TTN: variants seen among roughly 807,000 people sequenced by gnomAD.
TTN encodes the protein titin.
TTN carries 1,525 observed loss-of-function variants against 3,223.0 expected under a neutral mutation model. The observed-to-expected ratio is 0.47, with a 90% confidence interval of 0.45 to 0.49. TTN has a LOEUF of 0.49. TTN is among the 20% of genes least tolerant of loss of function. The pLI is 0.00. For synonymous variants in TTN, 14,094 were observed against 15,161.0 expected, an observed-to-expected ratio of 0.93 and a Z score of 5.17; for missense variants, 40,786 against 43,424.0, an observed-to-expected ratio of 0.94 and a Z score of 5.40.
intron 344 of TTN, among the ~76,000 whole-genome samples, 168 bp downstream of exon 344, chr2:178,545,220 T>C (rs1382030355): frequency 6.6e-6 from 1 of 152,224 alleles, no homozygotes; most frequent in African/African-American, 2.4e-5. Context: ...ACAGATGTAA[T>C]AGTTAAAATG....
intron 135 of TTN, 58 bp downstream of exon 135, chr2:178,682,639 A>C: frequency 1.4e-6 from 2 of 1,426,042 alleles, no homozygotes; most frequent in South Asian, 2.9e-5. Context: ...ATCTTGTTTT[A>C]TCTTGTTTGA....
intron 140 of TTN, 89 bp downstream of exon 140, chr2:178,679,805 G>A (rs2068926395): frequency 6.4e-7 from 1 of 1,555,700 alleles, no homozygotes; most frequent in Non-Finnish European, 8.7e-7. Flanking sequence ...AATCATTGGT[G>A]CTGCCAATAA....
Position 178,728,516 on chromosome 2 carries a change from G to T in TTN, c.19410C>A (p.Ala6470=), listed in dbSNP as rs2079776761. ...ENDFGSSSCD[A]YLRVLDQNIP... ...GATACAAACCTAGCACTCTTAAGTA[G>T]GCATCACAGCTACTGCTTCCGAAGT... The change falls in exon 66 of 363, where the codon GCC becomes GCA. Residue 6470 remains alanine (A), a synonymous_variant. Transcript: ENST00000589042. The T allele has an allele frequency of 6.2e-7, 1 of 1,610,418 alleles. No homozygotes were observed.
intron 47 of TTN, chr2:178,746,074 A>G (rs564472754): frequency 2.9e-5 from 47 of 1,613,474 alleles, no homozygotes; most frequent in Non-Finnish European, 2.4e-5. Flanking sequence ...AAAGACAGAC[A>G]TTTCGAATTT....
At position 178,565,542 on chromosome 2, in the gene TTN, G is replaced by C. The variant is rs1296708710; in HGVS notation, c.80590C>G (p.Pro26864Ala). 1 of 1,613,508 alleles carries C rather than the reference G, an allele frequency of 6.2e-7. No individual in the cohort carries two copies. The highest frequency in any genetic ancestry group is 1.7e-5 in the Admixed American group (1 of 59,978). The change falls in exon 326 of 363, where the codon CCA becomes GCA. Residue 26864 changes from proline to alanine, a missense_variant. Pro to Ala is a conservative substitution (Grantham distance 27, BLOSUM62 -1). Coordinates refer to ENST00000589042, the MANE Select transcript of TTN (RefSeq NM_001267550.2). ...KAYNEKGKSD[P>A]RVLGVPVIAK... ...ATGACAGGAACACCCAACACTCTTG[G>C]ATCGCTTTTTCCTTTCTCATTATAA...
At chr2:178,734,034 A>G in intron 52 of TTN, 142 bp from the exon 53 acceptor site, 10 of 939,942 alleles carry the variant, frequency 1.1e-5, no homozygotes, top group Non-Finnish European at 1.5e-5. Context: ...AAGAAATAAA[A>G]GTTAAGAATA....
Position 178,777,534 on chromosome 2 carries a change from C to T in TTN, c.4531G>A (p.Gly1511Ser), listed in dbSNP as rs1045727624. 6.2e-7 allele frequency: 1 copy of T among 1,613,896 alleles called. No homozygotes were observed. The highest frequency in any genetic ancestry group is 8.5e-7 in the Non-Finnish European group (1 of 1,179,946). ...YTHKVVIKED[G>S]TQSLIIVPAT... ...GGGACAATAATTAGTGATTGAGTACCATCTTCTTTAATGACTACTTTATGG... is the reference window on the plus strand; with the variant it reads ...GGGACAATAATTAGTGATTGAGTACTATCTTCTTTAATGACTACTTTATGG... Residue 1511 changes from glycine (G) to serine (S), a missense_variant, in exon 26 of 363, where the codon GGT becomes AGT. Gly to Ser is a moderately conservative substitution (Grantham distance 56). Coordinates refer to ENST00000589042, the MANE Select transcript of TTN (RefSeq NM_001267550.2).
Position 178,590,153 on chromosome 2 carries a change from G to A in TTN, c.61572C>T (p.Asp20524=), listed in dbSNP as rs776014619. The stretch of plus-strand genomic sequence containing the variant: ...CAACACGAGGTAGATCCTGAATAAG[G>A]TCCACCCTCTTTTCTCGGACCAATA... ...GKVLVREKRV[D]LIQDLPRVEL... is the part of the protein sequence containing the mutation. Residue 20524 remains aspartate (D), a synonymous_variant, in exon 304 of 363, where the codon GAC becomes GAT. Transcript: ENST00000589042. 1.2e-6 allele frequency: 2 copies of A among 1,612,946 alleles called. No homozygotes were observed. The highest frequency in any genetic ancestry group is 1.7e-6 in the Non-Finnish European group (2 of 1,179,464).
At position 178,591,869 on chromosome 2, in the gene TTN, G is replaced by A. The variant is rs778879674; in HGVS notation, c.59950C>T (p.Leu19984=). The change falls in exon 303 of 363, where the codon CTG becomes TTG. Residue 19984 remains leucine (L), a synonymous_variant. Coordinates refer to ENST00000589042, the MANE Select transcript of TTN (RefSeq NM_001267550.2). ...PLHPPGPPKD[L]HHVDVDKTEV... ...GTCTTGTCAACATCTACATGGTGCA[G>A]GTCCTTGGGTGGCCCTGGGGGATCT... 1 of 1,611,660 alleles carries A rather than the reference G, an allele frequency of 6.2e-7. No homozygotes were observed. Among genetic ancestry groups the A allele is most frequent in the South Asian group, 1.1e-5 (1 of 90,496 alleles).
intron 47 of TTN, chr2:178,748,626 C>A (rs754572853): frequency 3.7e-6 from 6 of 1,612,978 alleles, no homozygotes; most frequent in Non-Finnish European, 5.1e-6. Context: ...CTATCTAATT[C>A]TTGGAATTTC....
Position 178,785,907 on chromosome 2 carries a change from C to T in TTN, c.2311G>A (p.Ala771Thr). Residue 771 changes from alanine (A) to threonine (T), a missense_variant, in exon 14 of 363, where the codon GCT (alanine) becomes ACT (threonine). Coordinates refer to ENST00000589042, the MANE Select transcript of TTN (RefSeq NM_001267550.2). Reference protein sequence around the residue: ...PKAVKPRVIQAPSETHIKTTD... With the variant: ...PKAVKPRVIQTPSETHIKTTD... ...GTTTTGATATGAGTCTCAGAAGGAG[C>T]CTGGATTACTCTAGGCTTGACTGCT... 1 of 1,614,064 alleles carries T rather than the reference C, an allele frequency of 6.2e-7. No individual in the cohort carries two copies. Among genetic ancestry groups the T allele is most frequent in the Non-Finnish European group, 8.5e-7 (1 of 1,179,994 alleles).
At position 178,561,118 on chromosome 2, in the gene TTN, C is replaced by A; in HGVS notation, c.85014G>T (p.Glu28338Asp). 1 of 1,613,870 alleles carries A rather than the reference C, an allele frequency of 6.2e-7. No individual in the cohort carries two copies. Among genetic ancestry groups the A allele is most frequent in the Non-Finnish European group, 8.5e-7 (1 of 1,179,828 alleles). The change falls in exon 326 of 363, where the codon GAG (glutamate) becomes GAT (aspartate). Residue 28338 changes from glutamate to aspartate, a missense_variant. Glu to Asp is a conservative substitution (Grantham distance 45). Coordinates refer to ENST00000589042, the MANE Select transcript of TTN (RefSeq NM_001267550.2). ...TAATAGGCCCAGTGGATTCAGATGG[C>A]TCACTAACTGAGTCAGCAGCATTCC... ...FARNAADSVS[E>D]PSESTGPIIV...
At position 178,704,857 on chromosome 2, in the gene TTN, A is replaced by G. The variant is rs779986851; in HGVS notation, c.29694+20T>C. The stretch of plus-strand genomic sequence containing the variant: ...TCAATAATAACTTGTTCATTTTATT[A>G]TCAACATAATTCTTTTTACCTCTGT... On this transcript the variant is annotated intron_variant, in intron 104 of 362. Transcript: ENST00000589042. 5.0e-6 allele frequency: 8 copies of G among 1,610,842 alleles called. No individual in the cohort carries two copies. The African/African-American group carries it at 1.1e-4, about 22-fold the overall frequency.
At position 178,548,350 on chromosome 2, in the gene TTN, T is replaced by G; in HGVS notation, c.93276A>C (p.Ala31092=). The change falls in exon 339 of 363, where the codon GCA becomes GCC. Residue 31092 remains alanine (A), a synonymous_variant. Transcript: ENST00000589042. The surrounding 1 kb of genome is among the most constrained non-coding windows in gnomAD (Gnocchi z 4.3). Reference sequence around the variant, plus strand: ...GCTCACCAACACCATACTCATTTACTGCAGAAACACGGAAATAGTACGGAA... The same window carrying G: ...GCTCACCAACACCATACTCATTTACGGCAGAAACACGGAAATAGTACGGAA... ...EGVPYYFRVS[A]VNEYGVGEPY... is the part of the protein sequence containing the mutation. 2 of 1,613,896 alleles carry G rather than the reference T, an allele frequency of 1.2e-6. No individual in the cohort carries two copies. The highest frequency in any genetic ancestry group is 1.7e-6 in the Non-Finnish European group (2 of 1,179,830).
In TTN at chr2:178,549,786, T is replaced by G. The variant is rs786205328; in HGVS notation, c.91936A>C (p.Asn30646His). The stretch of plus-strand genomic sequence containing the variant: ...TGGGTTATGGGAGCACAACCGTCAT[T>G]GAGTGGGGCATCCCACCACAGAGTC... Reference protein sequence around the residue: ...KMTLWWDAPLNDGCAPITHYI... With the variant: ...KMTLWWDAPLHDGCAPITHYI... Residue 30646 changes from asparagine to histidine, a missense_variant, in exon 338 of 363, where the codon AAT (asparagine) becomes CAT (histidine). Physicochemically the swap from Asn to His is moderately conservative, Grantham distance 68. Coordinates refer to ENST00000589042, the MANE Select transcript of TTN (RefSeq NM_001267550.2). The G allele has an allele frequency of 1.2e-6, 2 of 1,611,926 alleles. No homozygotes were observed. Among genetic ancestry groups the G allele is most frequent in the Non-Finnish European group, 1.7e-6 (2 of 1,178,200 alleles).
Position 178,605,539 on chromosome 2 carries a change from G to T in TTN, c.53756C>A (p.Thr17919Asn), listed in dbSNP as rs1192046645. ...AAGATTTTCAACCAGAAAAGATGTG[G>T]TTGGGCAGAGTCGCTTGTTAACTCT... ...FERVNKRLCP[T>N]TSFLVENLDE... The change falls in exon 279 of 363, where the codon ACC becomes AAC. Residue 17919 changes from threonine (T) to asparagine (N), a missense_variant. By Grantham distance (65) the Thr-to-Asn change is moderately conservative (BLOSUM62 0). Transcript: ENST00000589042. 2 of 1,612,292 alleles carry T rather than the reference G, an allele frequency of 1.2e-6. No individual in the cohort carries two copies. Among genetic ancestry groups the T allele is most frequent in the Non-Finnish European group, 1.7e-6 (2 of 1,178,906 alleles).
intron 21 of TTN, 108 bp from the exon 22 acceptor site, chr2:178,780,313 C>A (rs2092652597): frequency 4.3e-6 from 4 of 938,864 alleles, no homozygotes; most frequent in Non-Finnish European, 6.7e-6. Context: ...AACCAAAAAC[C>A]AAATTTTCCA....
intron 340 of TTN, 29 bp from the exon 341 acceptor site, chr2:178,546,934 A>C: frequency 6.3e-7 from 1 of 1,576,092 alleles, no homozygotes; most frequent in Non-Finnish European, 8.6e-7. Context: ...TAAGGTTAAA[A>C]TATACCACTC....
chr2:178,584,140 AT>A, intron 311 of TTN, 135 bp downstream of exon 311: 1 of 1,118,850 alleles, frequency 8.9e-7, no homozygotes, highest in Non-Finnish European at 1.2e-6. Context: ...GATAGAACAT[AT>A]TCTTAAATGG....
Sources: gnomAD v4.1 joint callset for allele counts (sites outside exome capture counted in the v4.1 genomes callset) on GRCh38, gnomAD v4.1.1 for gene constraint, Gnocchi (gnomAD v3.1) non-coding constraint, MANE v1.5 for transcripts, NCBI Gene and HGNC (gene_info 2026-07-23, HGNC 2026-07-21) for gene names.